Variants in TAF6L observed in about 807,000 individuals in gnomAD.
TAF6L encodes TAF6-like RNA polymerase II p300/CBP-associated factor-associated factor 65 kDa subunit 6L.
In TAF6L, 34 loss-of-function variants were observed where a neutral mutation model predicts 57.3. That is an observed-to-expected ratio of 0.59 (90% CI 0.45 to 0.79). The LOEUF (loss-of-function observed/expected upper bound fraction) is 0.79, where lower values mean the gene tolerates loss of function less well. Ranked by LOEUF, TAF6L falls within the 30% of genes least tolerant of loss-of-function variation. TAF6L has a pLI of 0.00. For missense variants in TAF6L, 782 were observed against 853.2 expected (o/e 0.92, Z 1.04); for synonymous variants, 417 against 376.3 (o/e 1.11, Z -1.25).
At chr11:62,779,072 G>C in intron 6 of TAF6L, 109 bp downstream of exon 6, 3 of 901,400 alleles carry the variant, frequency 3.3e-6, no homozygotes, top group Non-Finnish European at 5.2e-6. Flanking sequence ...CCAGGCTGGA[G>C]TGCAATGGCA....
At chr11:62,771,898 C>T (rs1338651505) in intron 1 of TAF6L, 4 of 316,158 alleles carry the variant, frequency 1.3e-5, no homozygotes, top group Admixed American at 4.3e-5. Context: ...ACTGCAGCTT[C>T]ACAACGATCT....
At chr11:62,786,473 G>A (rs757938663) in intron 10 of TAF6L, 44 bp from the exon 11 acceptor site, 1 of 1,584,794 alleles carries the variant, frequency 6.3e-7, no homozygotes, top group Non-Finnish European at 8.6e-7. Context: ...GATGGGCCCA[G>A]GTTCCTCGAA....
chr11:62,773,074 C>T (rs2084161641), intron 1 of TAF6L, among the ~76,000 whole-genome samples: 1 of 151,800 alleles, frequency 6.6e-6, no homozygotes, highest in Admixed American at 6.6e-5. Context: ...ATCTCCTGAC[C>T]TCGTGATCCA....
In TAF6L at chr11:62,786,388, G is replaced by T; in HGVS notation, c.1089G>T (p.Leu363=). The change falls in exon 10 of 11, where the codon CTG becomes CTT. Residue 363 remains leucine (L), a splice_region_variant and synonymous_variant. Coordinates refer to ENST00000294168, the MANE Select transcript of TAF6L (RefSeq NM_006473.4). ...GACACAAAGTCTATGGAGCCATTCT[G>T]GTGAGTACCGTCCCCTTCCAGCCTC... The part of the protein sequence containing the change: ...ADGHKVYGAI[L]VAVERLLKMK... 1 of 1,613,366 alleles carries T rather than the reference G, an allele frequency of 6.2e-7. No homozygotes were observed. Among genetic ancestry groups the T allele is most frequent in the Non-Finnish European group, 8.5e-7 (1 of 1,179,366 alleles).
chr11:62,774,230 C>A (rs2084169406), intron 1 of TAF6L, among the ~76,000 whole-genome samples: 1 of 152,132 alleles, frequency 6.6e-6, no homozygotes. Flanking sequence ...GCGCCCGCCA[C>A]CAAGCCCAGC....
intron 5 of TAF6L, 87 bp downstream of exon 5, chr11:62,778,422 G>A (rs539115165): frequency 6.6e-5 from 98 of 1,484,940 alleles, no homozygotes; most frequent in Non-Finnish European, 8.6e-5. Flanking sequence ...CCGAGTCTGC[G>A]TCTAACATGT....
chr11:62,776,688 T>C (rs1020550082), intron 3 of TAF6L, among the ~76,000 whole-genome samples: 3 of 151,756 alleles, frequency 2.0e-5, no homozygotes, highest in Non-Finnish European at 4.4e-5. Context: ...CCTTCTTTAC[T>C]AAAAATACAG....
At chr11:62,784,306 A>ATT (rs1030701221) in intron 9 of TAF6L, among the ~76,000 whole-genome samples, 4 of 118,770 alleles carry the variant, frequency 3.4e-5, no homozygotes, top group African/African-American at 9.5e-5. Context: ...TATATTCTTA[A>ATT]TTTTTTTTTT....
At position 62,786,910 on chromosome 11, in the gene TAF6L, A is replaced by G; in HGVS notation, c.1483A>G (p.Ser495Gly). The G allele has an allele frequency of 6.6e-7, 1 of 1,512,232 alleles. No homozygotes were observed. The highest frequency in any genetic ancestry group is 8.8e-7 in the Non-Finnish European group (1 of 1,139,720). The allele number at this position is 1,512,232 out of a possible 1,614,324, so 93.7% of individuals were successfully genotyped here. Residue 495 changes from serine to glycine, a missense_variant, in exon 11 of 11, where the codon AGC becomes GGC. By Grantham distance (56) the Ser-to-Gly change is moderately conservative (BLOSUM62 0). Transcript: ENST00000294168. ...MPQLTASAIV[S>G]PHGDESPRGS... ...GCAGCTGACGGCAAGCGCCATAGTC[A>G]GCCCGCACGGCGACGAGAGCCCCCG...
intron 6 of TAF6L, chr11:62,781,684 A>G: frequency 4.8e-6 from 2 of 419,932 alleles, no homozygotes; most frequent in South Asian, 2.3e-5. Flanking sequence ...AAAAAGTTGG[A>G]CATTCAGGTT....
chr11:62,786,736 C>G lies in TAF6L; in HGVS notation c.1309C>G (p.Leu437Val). 1 of 1,613,200 alleles carries G rather than the reference C, an allele frequency of 6.2e-7. No individual in the cohort carries two copies. The highest frequency in any genetic ancestry group is 1.1e-5 in the South Asian group (1 of 91,060). ...GGAGGACCCTTCTCTTTCGGTGACC[C>G]TGGCCGACATCTACCGGGAGCTCTA... ...GPEDPSLSVT[L>V]ADIYRELYAF... is the part of the protein sequence containing the mutation. The change falls in exon 11 of 11, where the codon CTG (leucine) becomes GTG (valine). Residue 437 changes from leucine (L) to valine (V), a missense_variant. By Grantham distance (32) the Leu-to-Val change is conservative. Around this residue, in one of 3 missense-constraint regions of TAF6L, gnomAD observed 483 missense variants for 445.1 expected, o/e 1.09. Transcript: ENST00000294168.
intron 6 of TAF6L, among the ~76,000 whole-genome samples, chr11:62,781,575 G>A (rs1244679407): frequency 6.6e-6 from 1 of 151,532 alleles, no homozygotes; most frequent in Non-Finnish European, 1.5e-5. Context: ...TCGGGAGGCT[G>A]AGGCAGGAGA....
Position 62,778,982 on chromosome 11 carries a change from G to A in TAF6L, c.531+19G>A, listed in dbSNP as rs1565187949. ...GATGAAGGTGAGCGAGTGGGCCCAA[G>A]TTGGGGCACAAAGTTGAAATTGTAA... On this transcript the variant is annotated intron_variant, in intron 6 of 10. Coordinates refer to ENST00000294168, the MANE Select transcript of TAF6L (RefSeq NM_006473.4). 3 of 1,558,500 alleles carry A rather than the reference G, an allele frequency of 1.9e-6. No homozygotes were observed. Among genetic ancestry groups the A allele is most frequent in the Non-Finnish European group, 1.8e-6 (2 of 1,131,122 alleles).
intron 3 of TAF6L, among the ~76,000 whole-genome samples, chr11:62,776,850 GAA>G (rs71056563): frequency 4.4e-5 from 3 of 68,190 alleles, no homozygotes; most frequent in Non-Finnish European, 6.2e-5. Context: ...CTCAAAAAAA[GAA>G]AAAAAAAAAA....
At chr11:62,772,060 A>G (rs1319159383) in intron 1 of TAF6L, 1 of 455,898 alleles carries the variant, frequency 2.2e-6, no homozygotes, top group East Asian at 7.0e-5. Flanking sequence ...CCCCCTCCCT[A>G]CTTACTCAGT....
rs2084180004 is a variant in TAF6L, at chr11:62,775,555, C to T, written c.-13-216C>T. 7 of 519,998 alleles carry T rather than the reference C, an allele frequency of 1.3e-5. No individual in the cohort carries two copies. The East Asian group carries it at 2.0e-4, about 14-fold the overall frequency. The allele number at this position is 519,998 out of a possible 1,614,324, so 32.2% of individuals were successfully genotyped here. ...GGAATGGGACCTAGTTCTGTGAACC[C>T]CAACACTTTGGACTTTGTCTAGCTT... On this transcript the variant is annotated intron_variant, in intron 1 of 10. Coordinates refer to ENST00000294168, the MANE Select transcript of TAF6L (RefSeq NM_006473.4).
intron 1 of TAF6L, among the ~76,000 whole-genome samples, chr11:62,772,446 C>A (rs549963441): frequency 6.6e-6 from 1 of 150,676 alleles, no homozygotes; most frequent in South Asian, 2.1e-4. Context: ...TTGCTTGAAC[C>A]AGGGAGGCAG....
At chr11:62,778,375 T>C (rs1229997784) in intron 5 of TAF6L, 40 bp downstream of exon 5, 4 of 1,612,866 alleles carry the variant, frequency 2.5e-6, no homozygotes, top group Non-Finnish European at 3.4e-6. Flanking sequence ...TGGATGAATT[T>C]TCTCCCTTAG....
chr11:62,776,381 C>A lies in TAF6L; in HGVS notation c.148-3C>A. 6.2e-7 allele frequency: 1 copy of A among 1,613,356 alleles called. No individual in the cohort carries two copies. On this transcript the variant is annotated splice_polypyrimidine_tract_variant and splice_region_variant and intron_variant, in intron 2 of 10. Transcript: ENST00000294168. ...ACTCTGGCTTTTGTTCCCTCCCTCC[C>A]AGAATAGCTCTCAGTTCATGAAGCA...
Sources: gnomAD v4.1 joint callset for allele counts (sites outside exome capture counted in the v4.1 genomes callset) on GRCh38, gnomAD v4.1.1 for gene constraint, gnomAD v4.1.1 regional missense constraint, MANE v1.5 for transcripts, NCBI Gene and HGNC (gene_info 2026-07-23, HGNC 2026-07-21) for gene names.